The following SCN1A variants were observed in gnomAD, a reference collection of about 807,000 sequenced individuals.
SCN1A encodes the protein sodium channel protein type 1 subunit alpha.
Under a neutral mutation model 193.7 loss-of-function variants are expected in SCN1A, and 13 were observed. The observed-to-expected ratio is 0.07, with a 90% CI of 0.04 to 0.11. The LOEUF is 0.11. SCN1A is among the 10% of genes least tolerant of loss of function. The pLI, the probability that SCN1A is intolerant of heterozygous loss-of-function variation, is 1.00. For synonymous variants in SCN1A, 781 were observed against 843.6 expected, an observed-to-expected ratio of 0.93 and a Z score of 1.29; for missense variants, 1,432 against 2,451.1, an observed-to-expected ratio of 0.58 and a Z score of 8.78.
chr2:166,101,627 G>T (rs908253545), intron 2 of SCN1A, among the ~76,000 whole-genome samples: 19 of 152,148 alleles, frequency 1.2e-4, no homozygotes, highest in African/African-American at 4.6e-4. Context: ...AAGCAAGGCA[G>T]AAAAGACTCC....
chr2:166,090,867 C>T (rs73026833), intron 2 of SCN1A, among the ~76,000 whole-genome samples: 2,875 of 152,174 alleles, frequency 0.019, 94 homozygotes, highest in African/African-American at 0.066. Flanking sequence ...GTTTGTTAAT[C>T]CTAATCAAAT....
intron 4 of SCN1A, among the ~76,000 whole-genome samples, chr2:166,062,691 A>G (rs1354002425): frequency 5.3e-5 from 8 of 152,148 alleles, no homozygotes; most frequent in Non-Finnish European, 1.5e-5. Context: ...TTCAAAGACT[A>G]GCTAAGATAT....
At chr2:166,139,006 T>C (rs1202874858) in intron 1 of SCN1A, among the ~76,000 whole-genome samples, 1 of 152,216 alleles carries the variant, frequency 6.6e-6, no homozygotes, top group Non-Finnish European at 1.5e-5. Context: ...ATTTCAGACT[T>C]GCACAGGGTC....
At position 166,117,936 on chromosome 2, in the gene SCN1A, C is replaced by A. The variant is rs1417331712; in HGVS notation, c.-142+8988G>T. On this transcript the variant is annotated intron_variant, in intron 2 of 28. Coordinates refer to ENST00000674923, the MANE Select transcript of SCN1A (RefSeq NM_001165963.4). ...CGAGATCCTGCCATTGCACTCCAGC[C>A]TGGGCAATAGAGTGAGACTCTGTCT... 2.0e-5 allele frequency among the ~76,000 whole-genome samples: 3 copies of A among 150,062 alleles called. No homozygotes were observed. The East Asian group carries it at 5.9e-4, about 30-fold the overall frequency.
intron 4 of SCN1A, among the ~76,000 whole-genome samples, chr2:166,072,384 A>T (rs1684520855): frequency 6.6e-6 from 1 of 152,202 alleles, no homozygotes; most frequent in Non-Finnish European, 1.5e-5. Flanking sequence ...TTAACATAAG[A>T]TTCATTTCAA....
chr2:166,079,436 T>C (rs1386810938), intron 2 of SCN1A, among the ~76,000 whole-genome samples: 1 of 147,268 alleles, frequency 6.8e-6, no homozygotes, highest in Non-Finnish European at 1.5e-5. Context: ...TTTGCACTTA[T>C]CTAGTATGTC....
chr2:166,024,879 C>T (rs971759223), intron 19 of SCN1A, among the ~76,000 whole-genome samples: 1 of 152,204 alleles, frequency 6.6e-6, no homozygotes, highest in Non-Finnish European at 1.5e-5. Context: ...GTCTTGAACT[C>T]CGGAGCTCAA....
Position 166,048,912 on chromosome 2 carries a change from T to C in SCN1A, c.1002A>G (p.Leu334=). 6.2e-7 allele frequency: 1 copy of C among 1,606,778 alleles called. No homozygotes were observed. Among genetic ancestry groups the C allele is most frequent in the Non-Finnish European group, 8.5e-7 (1 of 1,173,930 alleles). ...CTGCATCAGAGCTATTTCCACATAGTAGTGCATCTAAAAAACCCTCCAGGA... is the reference window on the plus strand; with the variant it reads ...CTGCATCAGAGCTATTTCCACATAGCAGTGCATCTAAAAAACCCTCCAGGA... The part of the protein sequence containing the change: ...HYFLEGFLDA[L]LCGNSSDAGQ... Residue 334 remains leucine, a synonymous_variant, in exon 10 of 29, where the codon CTA becomes CTG. Coordinates refer to ENST00000674923, the MANE Select transcript of SCN1A (RefSeq NM_001165963.4).
At chr2:166,012,308 T>A in intron 21 of SCN1A, 26 bp from the exon 22 acceptor site, 1 of 1,561,842 alleles carries the variant, frequency 6.4e-7, no homozygotes, top group African/African-American at 1.4e-5. Flanking sequence ...TACACATTAT[T>A]AGCTTTCAAA....
intron 6 of SCN1A, among the ~76,000 whole-genome samples, chr2:166,056,197 TC>T (rs1699111757): frequency 2.0e-5 from 3 of 152,156 alleles, no homozygotes; most frequent in Non-Finnish European, 4.4e-5. Context: ...AGAGTGGTGG[TC>T]TTCAGGTGAA....
At chr2:166,130,258 G>C (rs17745411), upstream of SCN1A, among the ~76,000 whole-genome samples, 11,269 of 152,190 alleles carry the variant, frequency 0.074, 510 homozygotes, top group Middle Eastern at 0.2. Context: ...CATATTCTGG[G>C]CATCTGACAC....
intron 19 of SCN1A, among the ~76,000 whole-genome samples, chr2:166,034,249 G>C (rs1393884696): frequency 1.3e-5 from 2 of 152,032 alleles, no homozygotes; most frequent in Non-Finnish European, 2.9e-5. Flanking sequence ...CTAATGCTAG[G>C]GTCAGGGCAG....
intron 26 of SCN1A, 173 bp from the exon 27 acceptor site, chr2:165,996,290 T>C (rs1167061021): frequency 2.1e-6 from 1 of 467,700 alleles, no homozygotes; most frequent in Non-Finnish European, 3.8e-6. Context: ...TATGATAATA[T>C]TTAATTCCCT....
chr2:166,069,622 T>G (rs1025163054), intron 4 of SCN1A, among the ~76,000 whole-genome samples: 24 of 152,198 alleles, frequency 1.6e-4, no homozygotes, highest in African/African-American at 5.1e-4. Flanking sequence ...TACTGCACTT[T>G]AACATAAAAT....
At chr2:166,070,552 A>C (rs1684306952) in intron 4 of SCN1A, among the ~76,000 whole-genome samples, 1 of 152,200 alleles carries the variant, frequency 6.6e-6, no homozygotes. Flanking sequence ...TCCTCGACAC[A>C]AGAATCTGGC....
At chr2:166,053,531 A>G (rs1698824801) in intron 7 of SCN1A, among the ~76,000 whole-genome samples, 1 of 152,042 alleles carries the variant, frequency 6.6e-6, no homozygotes, top group African/African-American at 2.4e-5. Context: ...ATAAAAGTTA[A>G]GCAAATTAAG....
At chr2:166,114,788 TA>T (rs1265058595) in intron 2 of SCN1A, among the ~76,000 whole-genome samples, 4 of 152,146 alleles carry the variant, frequency 2.6e-5, no homozygotes, top group Non-Finnish European at 4.4e-5. Flanking sequence ...CTGATGGCAT[TA>T]AAAAATGTTT....
chr2:165,997,219 CA>C (rs936086577), intron 26 of SCN1A, among the ~76,000 whole-genome samples: 13 of 150,974 alleles, frequency 8.6e-5, no homozygotes, highest in African/African-American at 3.2e-4. Context: ...AGATTAAAAA[CA>C]ATCTAAATTA....
intron 2 of SCN1A, among the ~76,000 whole-genome samples, chr2:166,105,926 G>A (rs148960426): frequency 0.019 from 2,960 of 152,322 alleles, 264 homozygotes; most frequent in Admixed American, 0.16. Flanking sequence ...GGTGGCTCAC[G>A]CCTGTAATCC....
Sources: gnomAD v4.1 joint callset for allele counts (sites outside exome capture counted in the v4.1 genomes callset) on GRCh38, gnomAD v4.1.1 for gene constraint, MANE v1.5 for transcripts, NCBI Gene and HGNC (gene_info 2026-07-23, HGNC 2026-07-21) for gene names.